Variants in DAAM2 observed in about 807,000 individuals in gnomAD.
DAAM2 encodes the protein disheveled-associated activator of morphogenesis 2.
DAAM2 carries 39 observed loss-of-function variants against 120.7 expected under a neutral mutation model. That is an observed-to-expected ratio of 0.32 (90% CI 0.25 to 0.42). The LOEUF (loss-of-function observed/expected upper bound fraction) is 0.42. Ranked by LOEUF, DAAM2 falls within the 10% of genes least tolerant of loss-of-function variation. The pLI, the probability that DAAM2 is intolerant of heterozygous loss-of-function variation, is 1.00. For synonymous variants in DAAM2, 488 were observed against 524.9 expected, an observed-to-expected ratio of 0.93 and a Z score of 0.96; for missense variants, 1,283 against 1,401.7, an observed-to-expected ratio of 0.92 and a Z score of 1.35.
intron 1 of DAAM2, among the ~76,000 whole-genome samples, chr6:39,848,117 C>T (rs1300391816): frequency 2.0e-5 from 3 of 152,062 alleles, no homozygotes; most frequent in East Asian, 1.9e-4. Context: ...CATGTGCTGA[C>T]GCCCTCTCTT....
At chr6:39,850,308 G>A (rs1436568744) in intron 1 of DAAM2, among the ~76,000 whole-genome samples, 1 of 151,948 alleles carries the variant, frequency 6.6e-6, no homozygotes, top group Admixed American at 6.6e-5. Flanking sequence ...CTCTTTCAAG[G>A]CTGGCTCAAT....
chr6:39,837,663 C>CAAAAAAAAAAAAAAAAAAAAAAA (rs758751293), intron 1 of DAAM2, among the ~76,000 whole-genome samples: 5 of 41,202 alleles, frequency 1.2e-4, no homozygotes, highest in East Asian at 8.3e-4. Flanking sequence ...AACTCCATCT[C>CAAAAAAAAAAAAAAAAAAAAAAA]AAAAAAAAAA....
At position 39,856,276 on chromosome 6, in the gene DAAM2, G is replaced by C; in HGVS notation, c.-27G>C. 1 of 1,462,682 alleles carries C rather than the reference G, an allele frequency of 6.8e-7. No individual in the cohort carries two copies. 90.6% of individuals were successfully genotyped at this position (1,462,682 alleles called of 1,614,324 possible). ...CAATGAGGACCTAGGGCATCTGTCT[G>C]CTGACGCCCCCTGGCCTGCAGTGAC... On this transcript the variant is annotated 5_prime_UTR_variant, in exon 2 of 25. Coordinates refer to ENST00000274867, the MANE Select transcript of DAAM2 (RefSeq NM_001201427.2).
intron 2 of DAAM2, among the ~76,000 whole-genome samples, chr6:39,859,742 C>G (rs1306103971): frequency 2.0e-5 from 3 of 152,122 alleles, no homozygotes; most frequent in African/African-American, 7.2e-5. Context: ...TCACCTATTT[C>G]TTTTAAATTT....
intron 1 of DAAM2, among the ~76,000 whole-genome samples, chr6:39,803,004 T>C (rs1003647191): frequency 6.6e-6 from 1 of 152,224 alleles, no homozygotes. Context: ...CTCAGCATTT[T>C]GTTGTTGTGT....
intron 3 of DAAM2, among the ~76,000 whole-genome samples, chr6:39,863,659 G>T (rs1337128648): frequency 5.3e-5 from 8 of 152,178 alleles, no homozygotes; most frequent in Admixed American, 5.2e-4. Flanking sequence ...GATCCATTTG[G>T]CTGGAGAAGG....
intron 19 of DAAM2, among the ~76,000 whole-genome samples, chr6:39,895,103 A>T (rs1582763756): frequency 6.6e-6 from 1 of 152,322 alleles, no homozygotes; most frequent in East Asian, 1.9e-4. Context: ...TTTGGAATTT[A>T]AAAAACCTAG....
At chr6:39,885,354 T>C (rs1318839095) in intron 15 of DAAM2, 1 of 148,622 alleles carries the variant, frequency 6.7e-6, no homozygotes, top group African/African-American at 2.5e-5. Context: ...CTTTGAGCAC[T>C]GGCTCCTGGG....
intron 2 of DAAM2, among the ~76,000 whole-genome samples, chr6:39,859,181 T>C (rs1240730333): frequency 3.9e-5 from 6 of 152,300 alleles, no homozygotes; most frequent in Non-Finnish European, 7.4e-5. Context: ...GGGAGGAGGC[T>C]GACACTGTGC....
intron 1 of DAAM2, among the ~76,000 whole-genome samples, chr6:39,842,708 A>G (rs1049491957): frequency 5.9e-5 from 9 of 152,308 alleles, no homozygotes; most frequent in African/African-American, 1.9e-4. Context: ...GTATATAATG[A>G]AGTGTCCTAT....
At chr6:39,816,027 A>T (rs147286721) in intron 1 of DAAM2, among the ~76,000 whole-genome samples, 2 of 152,358 alleles carry the variant, frequency 1.3e-5, no homozygotes, top group East Asian at 3.9e-4. Flanking sequence ...CCTCATAGGG[A>T]GAAGAGTAGC....
At chr6:39,800,805 C>G (rs1340306510) in intron 1 of DAAM2, among the ~76,000 whole-genome samples, 1 of 152,174 alleles carries the variant, frequency 6.6e-6, no homozygotes, top group Non-Finnish European at 1.5e-5. Context: ...TTGGCGGAGG[C>G]CTTAGCTGAG....
chr6:39,792,797 G>A (rs302624), intron 1 of DAAM2, among the ~76,000 whole-genome samples: 2,419 of 152,316 alleles, frequency 0.016, 60 homozygotes, highest in African/African-American at 0.055. Context: ...CCTGACCCCT[G>A]GTTGTCACAA....
At chr6:39,864,763 G>T (rs539596423) in intron 4 of DAAM2, among the ~76,000 whole-genome samples, 1 of 152,158 alleles carries the variant, frequency 6.6e-6, no homozygotes, top group African/African-American at 2.4e-5. Flanking sequence ...ACAAACTTGG[G>T]AAATAAACCG....
rs576996703 is a variant in DAAM2 at position 39,896,396 on chromosome 6, G to T, written c.2342-416G>T. Among the ~76,000 whole-genome samples, 512 of 152,040 alleles carry T rather than the reference G, an allele frequency of 3.4e-3. 2 individuals are homozygous for T. Among genetic ancestry groups the T allele is most frequent in the African/African-American group, 0.012 (492 of 41,438 alleles). On this transcript the variant is annotated intron_variant, in intron 19 of 24. Coordinates refer to ENST00000274867, the MANE Select transcript of DAAM2 (RefSeq NM_001201427.2). The stretch of plus-strand genomic sequence containing the variant: ...TTTTTGTATTTTTAGTAGAGACAGG[G>T]TTTCACCACGTTGGCCAGGCTGGTC...
intron 1 of DAAM2, among the ~76,000 whole-genome samples, chr6:39,847,643 C>T (rs2149266962): frequency 6.6e-6 from 1 of 152,220 alleles, no homozygotes; most frequent in Non-Finnish European, 1.5e-5. Flanking sequence ...CTCATCCTCT[C>T]ACTCACGTGC....
intron 6 of DAAM2, 65 bp from the exon 7 acceptor site, chr6:39,868,758 T>C (rs1257044904): frequency 1.7e-5 from 21 of 1,231,300 alleles, no homozygotes; most frequent in Admixed American, 8.0e-5. Context: ...GGAGTAAAGA[T>C]GCAAAGGCCA....
At chr6:39,861,124 C>A (rs748905971) in intron 3 of DAAM2, 107 bp downstream of exon 3, 46 of 842,192 alleles carry the variant, frequency 5.5e-5, no homozygotes, top group Non-Finnish European at 8.4e-5. Flanking sequence ...ACATGCCAGC[C>A]CTGTTCTAGG....
At chr6:39,861,277 A>C in intron 3 of DAAM2, 1 of 515,318 alleles carries the variant, frequency 1.9e-6, no homozygotes, top group Non-Finnish European at 3.6e-6. Flanking sequence ...GCTGGGAGAC[A>C]GACAAAGAAG....
Sources: gnomAD v4.1 joint callset for allele counts (sites outside exome capture counted in the v4.1 genomes callset) on GRCh38, gnomAD v4.1.1 for gene constraint, MANE v1.5 for transcripts, NCBI Gene and HGNC (gene_info 2026-07-23, HGNC 2026-07-21) for gene names.